The following MALRD1 variants were observed in gnomAD, a reference collection of about 807,000 sequenced individuals.
MALRD1 encodes MAM and LDL-receptor class A domain-containing protein 1.
Under a neutral mutation model 242.1 loss-of-function variants are expected in MALRD1, and 247 were observed. The ratio of observed to expected loss-of-function variants is 1.02; its 90% CI spans 0.92 to 1.13. The LOEUF is 1.13. Ranked by LOEUF, MALRD1 falls within the 50% of genes most tolerant of loss-of-function variation. MALRD1 has a pLI of 0.00. For missense variants in MALRD1, 2,989 were observed against 2,533.1 expected, an observed-to-expected ratio of 1.18 and a Z score of -3.86; for synonymous variants, 995 against 866.6, an observed-to-expected ratio of 1.15 and a Z score of -2.60.
At chr10:19,598,390 GC>G (rs1838205291) in intron 34 of MALRD1, 1 of 151,584 alleles carries the variant, frequency 6.6e-6, no homozygotes, top group South Asian at 2.1e-4. Context: ...CTTTGTTCCA[GC>G]TACCATTTGC....
At chr10:19,630,377 A>G (rs1299768904) in intron 36 of MALRD1, among the ~76,000 whole-genome samples, 2 of 152,184 alleles carry the variant, frequency 1.3e-5, no homozygotes, top group African/African-American at 4.8e-5. Context: ...TTTTCGTTTT[A>G]GTGCTACCAC....
chr10:19,523,166 G>A (rs1429028704), intron 31 of MALRD1, among the ~76,000 whole-genome samples: 8 of 152,142 alleles, frequency 5.3e-5, no homozygotes, highest in African/African-American at 1.9e-4. Context: ...GAGAATTTAA[G>A]TAGGTTGCCC....
chr10:19,415,727 G>A (rs1035104934), intron 28 of MALRD1, among the ~76,000 whole-genome samples: 9 of 152,124 alleles, frequency 5.9e-5, no homozygotes, highest in Non-Finnish European at 1.2e-4. Flanking sequence ...CCCTAGGACA[G>A]CTTTCATATC....
At chr10:19,569,490 A>G (rs1836410339) in intron 33 of MALRD1, among the ~76,000 whole-genome samples, 1 of 151,574 alleles carries the variant, frequency 6.6e-6, no homozygotes. Context: ...AAAAATCTCC[A>G]TCTTCCCAAG....
intron 34 of MALRD1, among the ~76,000 whole-genome samples, chr10:19,605,552 CT>C: frequency 6.7e-6 from 1 of 150,022 alleles, no homozygotes; most frequent in Non-Finnish European, 1.5e-5. Context: ...CAAAAGCGAC[CT>C]GCTGTACTCA....
At chr10:19,208,802 C>T (rs530514535) in intron 17 of MALRD1, among the ~76,000 whole-genome samples, 6 of 152,130 alleles carry the variant, frequency 3.9e-5, no homozygotes, top group East Asian at 3.9e-4. Flanking sequence ...AATCCTGATG[C>T]GTGGCTTTAC....
intron 18 of MALRD1, among the ~76,000 whole-genome samples, chr10:19,209,956 A>G (rs901803785): frequency 1.2e-4 from 19 of 152,106 alleles, no homozygotes; most frequent in Non-Finnish European, 2.4e-4. Context: ...CTTTACTGAA[A>G]TGAACAACCT....
chr10:19,240,151 G>C (rs903031107), intron 18 of MALRD1, among the ~76,000 whole-genome samples: 2 of 151,998 alleles, frequency 1.3e-5, no homozygotes, highest in Non-Finnish European at 2.9e-5. Context: ...CATTTTTTGT[G>C]TATCGTAAAT....
intron 36 of MALRD1, among the ~76,000 whole-genome samples, chr10:19,637,480 A>T (rs1840190596): frequency 6.6e-6 from 1 of 152,212 alleles, no homozygotes; most frequent in Non-Finnish European, 1.5e-5. Flanking sequence ...AGAGGTTCAG[A>T]AGCTTTCCCT....
In MALRD1 at chr10:19,319,326, G is replaced by T. The variant is rs74358715; in HGVS notation, c.3420-4623G>T. Among the ~76,000 whole-genome samples, 614 of 152,082 alleles carry T rather than the reference G, an allele frequency of 4.0e-3. 4 individuals are homozygous for T. Among genetic ancestry groups the T allele is most frequent in the African/African-American group, 0.014 (595 of 41,488 alleles). On this transcript the variant is annotated intron_variant, in intron 21 of 39. Coordinates refer to ENST00000454679, the MANE Select transcript of MALRD1 (RefSeq NM_001142308.3). The stretch of plus-strand genomic sequence containing the variant: ...TCGAATGCTGTGAAATACCAGTCAA[G>T]GTTCATTTTTCCCCTCATGGCTAAC...
intron 16 of MALRD1, 143 bp from the exon 17 acceptor site, chr10:19,204,755 G>C (rs942069908): frequency 1.1e-6 from 1 of 902,854 alleles, no homozygotes. Flanking sequence ...CTTGCAAATG[G>C]ACAGCCACAG....
chr10:19,146,294 A>G lies in MALRD1; in HGVS notation c.1508A>G (p.Asn503Ser). Residue 503 changes from asparagine (N) to serine (S), a missense_variant, in exon 11 of 40, where the codon AAT becomes AGT. Coordinates refer to ENST00000454679, the MANE Select transcript of MALRD1 (RefSeq NM_001142308.3). ...SHWKLMKGLN[N>S]GEHHFPAADH... Reference sequence around the variant, plus strand: ...TGGAAGCTGATGAAAGGATTGAATAATGGAGAGCACCACTTTCCTGCAGCT... The same window carrying G: ...TGGAAGCTGATGAAAGGATTGAATAGTGGAGAGCACCACTTTCCTGCAGCT... 2.0e-5 allele frequency: 25 copies of G among 1,231,676 alleles called. No individual in the cohort carries two copies. Among genetic ancestry groups the G allele is most frequent in the Non-Finnish European group, 2.5e-5 (25 of 987,910 alleles). 76.3% of individuals were successfully genotyped at this position (1,231,676 alleles called of 1,614,324 possible).
intron 18 of MALRD1, among the ~76,000 whole-genome samples, chr10:19,254,242 C>T (rs1185603607): frequency 6.6e-6 from 1 of 152,008 alleles, no homozygotes; most frequent in African/African-American, 2.4e-5. Context: ...TGGCTTCTTT[C>T]ACTTTAATGC....
intron 36 of MALRD1, among the ~76,000 whole-genome samples, chr10:19,634,384 G>C (rs2131660573): frequency 6.6e-6 from 1 of 152,212 alleles, no homozygotes; most frequent in East Asian, 1.9e-4. Flanking sequence ...GCAAGACTGA[G>C]CATTTAAATC....
intron 32 of MALRD1, among the ~76,000 whole-genome samples, chr10:19,549,855 G>C (rs1835404583): frequency 6.6e-6 from 1 of 152,156 alleles, no homozygotes; most frequent in Non-Finnish European, 1.5e-5. Flanking sequence ...GACAGGATTG[G>C]AATCTGGTTC....
intron 14 of MALRD1, among the ~76,000 whole-genome samples, chr10:19,199,250 A>G (rs959751966): frequency 2.6e-5 from 4 of 152,192 alleles, no homozygotes; most frequent in Non-Finnish European, 4.4e-5. Context: ...TGTAACACCT[A>G]TTTCCGGAAT....
chr10:19,087,488 T>C (rs933245201), intron 2 of MALRD1, among the ~76,000 whole-genome samples: 2 of 151,730 alleles, frequency 1.3e-5, no homozygotes, highest in African/African-American at 4.8e-5. Context: ...GCCTGAATTA[T>C]CACTTGGCGC....
At chr10:19,632,516 T>A (rs1237520989) in intron 36 of MALRD1, among the ~76,000 whole-genome samples, 2 of 152,166 alleles carry the variant, frequency 1.3e-5, no homozygotes, top group African/African-American at 4.8e-5. Context: ...ATAAAGATCA[T>A]TCAGTTTCTA....
intron 24 of MALRD1, among the ~76,000 whole-genome samples, chr10:19,339,999 A>G (rs1343155392): frequency 6.6e-6 from 1 of 152,108 alleles, no homozygotes; most frequent in East Asian, 1.9e-4. Context: ...TTAAACCATC[A>G]GATCTCCTGA....
Sources: gnomAD v4.1 joint callset for allele counts (sites outside exome capture counted in the v4.1 genomes callset) on GRCh38, gnomAD v4.1.1 for gene constraint, MANE v1.5 for transcripts, NCBI Gene and HGNC (gene_info 2026-07-23, HGNC 2026-07-21) for gene names.